Variants in ARL15 observed in about 807,000 individuals in gnomAD.
ARL15 encodes the protein ARF like GTPase 15, also known as ADP-ribosylation factor-like protein 15.
ARL15 carries 19 observed loss-of-function variants against 25.2 expected under a neutral mutation model. The ratio of observed to expected loss-of-function variants is 0.75; its 90% confidence interval spans 0.53 to 1.10. ARL15 has a LOEUF of 1.10. Among genes scored for constraint, ARL15 ranks in the 50% least tolerant of loss-of-function variants. ARL15 has a pLI of 0.00. For missense variants in ARL15, 220 were observed against 246.0 expected (o/e 0.89, Z 0.71); for synonymous variants, 94 against 86.8 (o/e 1.08, Z -0.46).
chr5:54,284,582 T>C (rs1206403870), intron 1 of ARL15, among the ~76,000 whole-genome samples: 3 of 152,212 alleles, frequency 2.0e-5, no homozygotes, highest in Non-Finnish European at 4.4e-5. Context: ...GAGGGAGAAA[T>C]ATTTACTCTT....
intron 4 of ARL15, among the ~76,000 whole-genome samples, chr5:54,083,979 G>A (rs1187519211): frequency 1.3e-5 from 2 of 152,252 alleles, no homozygotes; most frequent in East Asian, 3.9e-4. Context: ...GATCTATATG[G>A]GGGTAGTAAT....
chr5:54,169,522 T>C (rs557951598), intron 2 of ARL15, among the ~76,000 whole-genome samples: 6 of 152,174 alleles, frequency 3.9e-5, no homozygotes, highest in Non-Finnish European at 7.3e-5. Context: ...AAACAGAATA[T>C]GGAAAAAGAT....
chr5:54,271,506 A>G (rs1226727490), intron 1 of ARL15, among the ~76,000 whole-genome samples: 2 of 152,218 alleles, frequency 1.3e-5, no homozygotes, highest in South Asian at 2.1e-4. Flanking sequence ...AGGGAATGAC[A>G]AGGAAAAATA....
At chr5:54,147,734 G>A (rs562726791) in intron 3 of ARL15, among the ~76,000 whole-genome samples, 1 of 152,152 alleles carries the variant, frequency 6.6e-6, no homozygotes, top group Non-Finnish European at 1.5e-5. Flanking sequence ...ATAGCAAGTT[G>A]CTTTCTCCTA....
In ARL15 at chr5:54,282,390, C is replaced by A. The variant is rs1223666747; in HGVS notation, c.48+28042G>T. 3.0e-6 allele frequency: 3 copies of A among 985,306 alleles called. No individual in the cohort carries two copies. The African/African-American group carries it at 5.2e-5, about 17-fold the overall frequency. The allele number at this position is 985,306 out of a possible 1,614,324, so 61.0% of individuals were successfully genotyped here. On this transcript the variant is annotated intron_variant, in intron 1 of 4. Transcript: ENST00000504924. ...TTTGTACCAAAGAACTGTCTTCATT[C>A]CCCTTGCTCTTGTTTCCCTCTTTAA...
intron 4 of ARL15, among the ~76,000 whole-genome samples, chr5:53,972,662 T>G (rs1190747001): frequency 1.3e-5 from 2 of 152,192 alleles, no homozygotes; most frequent in African/African-American, 2.4e-5. Context: ...CTAGAGACTT[T>G]AGAGCCAGAA....
chr5:54,188,547 G>GGACAAATTAGA (rs1610896), intron 1 of ARL15, among the ~76,000 whole-genome samples: 46,820 of 151,802 alleles, frequency 0.31, 7,632 homozygotes, highest in African/African-American at 0.38. Flanking sequence ...AATTAGACAT[G>GGACAAATTAGA]GACAGTATTT....
At chr5:54,240,156 G>A (rs1419806962) in intron 1 of ARL15, among the ~76,000 whole-genome samples, 1 of 151,410 alleles carries the variant, frequency 6.6e-6, no homozygotes, top group African/African-American at 2.4e-5. Context: ...GAACCCGGGA[G>A]GCGGAGCTTG....
Position 53,906,667 on chromosome 5 carries a change from A to G in ARL15, c.463-19954T>C, listed in dbSNP as rs535310813. 7.6e-4 allele frequency among the ~76,000 whole-genome samples: 115 copies of G among 152,184 alleles called. 1 individual carries two copies. The highest frequency in any genetic ancestry group is 2.7e-3 in the African/African-American group (112 of 41,520). ...AAAGAGTTCCCTAAATGAGCAAATC[A>G]CTCTATCCTTATAGGCAAGGCTGAA... On this transcript the variant is annotated intron_variant, in intron 4 of 4. Coordinates refer to ENST00000504924, the MANE Select transcript of ARL15 (RefSeq NM_019087.3).
intron 1 of ARL15, among the ~76,000 whole-genome samples, chr5:54,219,437 T>C (rs546882054): frequency 3.9e-5 from 6 of 152,328 alleles, no homozygotes; most frequent in African/African-American, 1.4e-4. Flanking sequence ...AGGTGTGCTA[T>C]GGACAACATG....
intron 1 of ARL15, among the ~76,000 whole-genome samples, chr5:54,298,487 G>A (rs528391122): frequency 1.3e-5 from 2 of 152,200 alleles, no homozygotes; most frequent in Non-Finnish European, 2.9e-5. Flanking sequence ...ATGACCTCAC[G>A]TTCTACTGCA....
intron 4 of ARL15, among the ~76,000 whole-genome samples, chr5:53,979,829 TTGTGTGTGTGTGTGTGTGTG>T (rs70986653): frequency 0.085 from 12,100 of 143,192 alleles, 550 homozygotes; most frequent in Admixed American, 0.11. Flanking sequence ...TTAAAGTCTT[TTGTGTGTGTGTGTGTGTGTG>T]TGTGTGTGTG....
chr5:53,905,178 C>T (rs577379488), intron 4 of ARL15, among the ~76,000 whole-genome samples: 48 of 152,286 alleles, frequency 3.2e-4, no homozygotes, highest in Admixed American at 2.6e-3. Context: ...GTCATTAACA[C>T]CCACTTCAGT....
chr5:54,024,804 C>T (rs75912846), intron 4 of ARL15, among the ~76,000 whole-genome samples: 2 of 151,888 alleles, frequency 1.3e-5, no homozygotes, highest in Non-Finnish European at 2.9e-5. Context: ...ATATGTATAT[C>T]TATAGTTAAT....
chr5:54,003,664 CTATCTAT>C (rs1561184596), intron 4 of ARL15, among the ~76,000 whole-genome samples: 7 of 14,432 alleles, frequency 4.9e-4, no homozygotes, highest in Non-Finnish European at 9.0e-4. Context: ...TATTTTCTTT[CTATCTAT>C]CTATCTATCT....
chr5:54,026,443 T>C (rs180797058), intron 4 of ARL15, among the ~76,000 whole-genome samples: 103 of 152,164 alleles, frequency 6.8e-4, no homozygotes, highest in Non-Finnish European at 7.4e-5. Context: ...CTAATGTTTG[T>C]ATTTTTTGCA....
chr5:54,302,683 A>ATTTTTTTTTTTTTTTTTTTT (rs372704359), intron 1 of ARL15, among the ~76,000 whole-genome samples: 1 of 77,850 alleles, frequency 1.3e-5, no homozygotes, highest in Non-Finnish European at 2.2e-5. Flanking sequence ...TAAAATTAAG[A>ATTTTTTTTTTTTTTTTTTTT]TTTTTTTTTT....
intron 4 of ARL15, among the ~76,000 whole-genome samples, chr5:54,050,087 T>C: frequency 6.6e-6 from 1 of 152,166 alleles, no homozygotes; most frequent in East Asian, 1.9e-4. Context: ...CTCATCTGGA[T>C]TGCCTTCAAC....
intron 4 of ARL15, among the ~76,000 whole-genome samples, chr5:53,927,990 T>C (rs1047174977): frequency 2.0e-5 from 3 of 152,112 alleles, no homozygotes; most frequent in African/African-American, 7.2e-5. Flanking sequence ...TTGTGTGGAC[T>C]AGGTGAGAGG....
Sources: gnomAD v4.1 joint callset for allele counts (sites outside exome capture counted in the v4.1 genomes callset) on GRCh38, gnomAD v4.1.1 for gene constraint, MANE v1.5 for transcripts, NCBI Gene and HGNC (gene_info 2026-07-23, HGNC 2026-07-21) for gene names.